Variants in CTPS1 observed in about 807,000 individuals in gnomAD.
The protein encoded by CTPS1 is CTP synthase 1.
In CTPS1, 25 loss-of-function variants were observed where a neutral mutation model predicts 80.5. The observed-to-expected ratio is 0.31, with a 90% CI of 0.23 to 0.43. The LOEUF is 0.43. Ranked by LOEUF, CTPS1 falls within the 20% of genes least tolerant of loss-of-function variation. The pLI is 1.00. For missense variants in CTPS1, 442 were observed against 725.7 expected (o/e 0.61, Z 4.49); for synonymous variants, 267 against 252.5 (o/e 1.06, Z -0.54).
intron 5 of CTPS1, 102 bp from the exon 6 acceptor site, chr1:40,991,063 A>G: frequency 1.3e-6 from 1 of 793,268 alleles, no homozygotes; most frequent in East Asian, 2.7e-5. Context: ...AAGTGACCAA[A>G]TGATCTATTT....
At chr1:40,984,163 A>G (rs1642392388) in intron 2 of CTPS1, among the ~76,000 whole-genome samples, 3 of 152,346 alleles carry the variant, frequency 2.0e-5, no homozygotes, top group South Asian at 4.1e-4. Flanking sequence ...TTTAATACAG[A>G]ATTCTTGAGC....
At chr1:40,980,039 C>G (rs1439370169) in intron 1 of CTPS1, 2 of 151,238 alleles carry the variant, frequency 1.3e-5, no homozygotes, top group African/African-American at 2.4e-5. Flanking sequence ...TGCCGGCTCC[C>G]GCGCGCGGGC....
At chr1:41,005,322 T>C (rs1643005957) in intron 12 of CTPS1, among the ~76,000 whole-genome samples, 1 of 152,108 alleles carries the variant, frequency 6.6e-6, no homozygotes, top group South Asian at 2.1e-4. Flanking sequence ...TGTATACCTG[T>C]AATCCCAGCT....
chr1:41,002,117 G>A (rs1401999690), intron 10 of CTPS1, 43 bp from the exon 11 acceptor site: 1 of 1,578,034 alleles, frequency 6.3e-7, no homozygotes, highest in African/African-American at 1.3e-5. Context: ...AGTTGGACTG[G>A]TAGAAAAGGG....
chr1:40,984,008 A>G (rs1268212174), intron 2 of CTPS1, among the ~76,000 whole-genome samples: 1 of 152,232 alleles, frequency 6.6e-6, no homozygotes, highest in Non-Finnish European at 1.5e-5. Context: ...AGAGATGTTA[A>G]AACATACCTC....
intron 7 of CTPS1, among the ~76,000 whole-genome samples, chr1:40,995,510 C>T (rs1348471282): frequency 6.6e-6 from 1 of 152,040 alleles, no homozygotes; most frequent in Non-Finnish European, 1.5e-5. Flanking sequence ...TCTCCCACCT[C>T]AGCTACCCCC....
intron 7 of CTPS1, among the ~76,000 whole-genome samples, chr1:40,994,438 A>G (rs1570958019): frequency 6.6e-6 from 1 of 152,192 alleles, no homozygotes. Context: ...ATTTATAGCT[A>G]TTCATAATTT....
intron 3 of CTPS1, among the ~76,000 whole-genome samples, chr1:40,985,448 G>T (rs965218798): frequency 6.6e-6 from 1 of 152,246 alleles, no homozygotes. Flanking sequence ...CCTAGGAGGA[G>T]CCTGAGAAGT....
chr1:41,010,079 T>A, intron 17 of CTPS1, 82 bp from the exon 18 acceptor site: 1 of 872,248 alleles, frequency 1.1e-6, no homozygotes, highest in Non-Finnish European at 1.9e-6. Flanking sequence ...CAAGTGTCCC[T>A]GTAGGAACCG....
At chr1:40,986,729 C>T (rs1028058339) in intron 3 of CTPS1, among the ~76,000 whole-genome samples, 7 of 152,202 alleles carry the variant, frequency 4.6e-5, no homozygotes, top group Non-Finnish European at 8.8e-5. Context: ...ATTCTTTGAG[C>T]ATTGACATGG....
At chr1:40,983,172 T>G in intron 1 of CTPS1, 106 bp from the exon 2 acceptor site, 1 of 901,948 alleles carries the variant, frequency 1.1e-6, no homozygotes. Context: ...AAACTGAGGC[T>G]TCAAGAGGGT....
At chr1:40,996,610 A>T (rs1642759081) in intron 8 of CTPS1, among the ~76,000 whole-genome samples, 1 of 152,230 alleles carries the variant, frequency 6.6e-6, no homozygotes, top group Non-Finnish European at 1.5e-5. Context: ...GGCAGGCCTT[A>T]TCTTAGTTGC....
At chr1:40,982,105 C>A in intron 1 of CTPS1, 1 of 780,092 alleles carries the variant, frequency 1.3e-6, no homozygotes, top group South Asian at 1.6e-5. Flanking sequence ...GTGATAAATC[C>A]TCCGTGGTGA....
Position 40,991,801 on chromosome 1 carries a change from G to A in CTPS1, c.676G>A (p.Val226Met). 6.2e-7 allele frequency: 1 copy of A among 1,614,062 alleles called. No homozygotes were observed. The highest frequency in any genetic ancestry group is 8.5e-7 in the Non-Finnish European group (1 of 1,179,952). ...CRCSNPLDTS[V>M]KEKISMFCHV... ...GTGCTCAAATCCACTTGACACATCA[G>A]TGAAGGAGAAAATATCAATGTTCTG... The change falls in exon 7 of 19, where the codon GTG becomes ATG. Residue 226 changes from valine (V) to methionine (M), a missense_variant. Val to Met is a conservative substitution (Grantham distance 21, BLOSUM62 1). Around this residue, in one of 4 missense-constraint regions of CTPS1, gnomAD observed 321 missense variants for 467.2 expected, o/e 0.69. Coordinates refer to ENST00000650070, the MANE Select transcript of CTPS1 (RefSeq NM_001905.4).
intron 9 of CTPS1, among the ~76,000 whole-genome samples, chr1:40,999,796 C>G (rs1329976011): frequency 6.6e-6 from 1 of 152,122 alleles, no homozygotes; most frequent in African/African-American, 2.4e-5. Context: ...TATAGCCTGT[C>G]AATGGATCAA....
intron 9 of CTPS1, among the ~76,000 whole-genome samples, chr1:40,999,983 T>C (rs1300690712): frequency 2.6e-5 from 4 of 151,954 alleles, no homozygotes; most frequent in African/African-American, 7.3e-5. Flanking sequence ...GACCCCCGTC[T>C]CTGCAAAAAA....
intron 14 of CTPS1, among the ~76,000 whole-genome samples, chr1:41,008,013 C>T (rs1241009158): frequency 2.0e-5 from 3 of 152,218 alleles, no homozygotes; most frequent in African/African-American, 7.2e-5. Context: ...AGATTTCCTT[C>T]TTGTCTACTG....
At chr1:41,002,855 G>T (rs1020926241) in intron 11 of CTPS1, among the ~76,000 whole-genome samples, 3 of 152,122 alleles carry the variant, frequency 2.0e-5, no homozygotes, top group African/African-American at 7.2e-5. Context: ...GGGGAAAAAA[G>T]TACTGAATAG....
chr1:40,996,454 G>A (rs968157629), intron 8 of CTPS1, among the ~76,000 whole-genome samples: 1 of 152,224 alleles, frequency 6.6e-6, no homozygotes, highest in African/African-American at 2.4e-5. Flanking sequence ...GTTCTGAGCT[G>A]TGTTTGGGAA....
Sources: gnomAD v4.1 joint callset for allele counts (sites outside exome capture counted in the v4.1 genomes callset) on GRCh38, gnomAD v4.1.1 for gene constraint, gnomAD v4.1.1 regional missense constraint, MANE v1.5 for transcripts, NCBI Gene and HGNC (gene_info 2026-07-23, HGNC 2026-07-21) for gene names.